Variants in SLC25A24 observed in about 807,000 individuals in gnomAD.
SLC25A24 encodes the protein solute carrier family 25 member 24.
In SLC25A24, 49 loss-of-function variants were observed where a neutral mutation model predicts 60.7. That is an observed-to-expected ratio of 0.81 (90% confidence interval 0.64 to 1.02). The LOEUF (loss-of-function observed/expected upper bound fraction) is 1.02. SLC25A24 is among the 50% of genes least tolerant of loss of function. The pLI is 0.00. For synonymous variants in SLC25A24, 202 were observed against 200.6 expected, an observed-to-expected ratio of 1.01 and a Z score of -0.06; for missense variants, 564 against 586.3, an observed-to-expected ratio of 0.96 and a Z score of 0.39.
In SLC25A24 at chr1:108,187,927, G is replaced by GATATATATAT. The variant is rs57513025; in HGVS notation, c.184-1983_184-1974dup. ...TACACGAAATGGATAAGACATTATA[G>GATATATATAT]ATATATATATATATATATTCATGCA... On this transcript the variant is annotated intron_variant, in intron 1 of 9. Coordinates refer to ENST00000565488, the MANE Select transcript of SLC25A24 (RefSeq NM_013386.5). 1.8e-3 allele frequency among the ~76,000 whole-genome samples: 175 copies of GATATATATAT among 95,774 alleles called. 9 individuals carry two copies. Among genetic ancestry groups the GATATATATAT allele is most frequent in the East Asian group, 9.1e-3 (25 of 2,738 alleles). The allele number at this position is 95,774 out of a possible 152,430, so 62.8% of individuals were successfully genotyped here. A position where few individuals can be genotyped will look rare whatever the true frequency, so the allele number is the denominator to read the frequency against.
chr1:108,199,685 A>C (rs1042276829), intron 1 of SLC25A24: 2 of 535,874 alleles, frequency 3.7e-6, no homozygotes, highest in Non-Finnish European at 6.5e-6. Context: ...GTGTCTTAAA[A>C]ATTTAACAGT....
intron 7 of SLC25A24, among the ~76,000 whole-genome samples, chr1:108,146,548 G>T (rs775085112): frequency 2.0e-5 from 3 of 152,150 alleles, no homozygotes; most frequent in African/African-American, 7.2e-5. Flanking sequence ...TATTGGCTGT[G>T]GGTTTGTCAT....
At chr1:108,182,151 T>C in intron 2 of SLC25A24, 123 bp from the exon 3 acceptor site, 1 of 624,428 alleles carries the variant, frequency 1.6e-6, no homozygotes, top group Non-Finnish European at 2.9e-6. Flanking sequence ...ATTGTGCATG[T>C]AGGTGAGTTA....
At position 108,190,906 on chromosome 1, in the gene SLC25A24, T is replaced by C. The variant is rs745729761; in HGVS notation, c.184-4952A>G. On this transcript the variant is annotated intron_variant, in intron 1 of 9. Transcript: ENST00000565488. ...GACACCCCTCCCTTGGGTTTTGACATGTGAACCCTCCTCAGTCACCACTAG... is the reference window on the plus strand; with the variant it reads ...GACACCCCTCCCTTGGGTTTTGACACGTGAACCCTCCTCAGTCACCACTAG... Among the ~76,000 whole-genome samples the C allele has an allele frequency of 3.0e-4, 42 of 138,872 alleles. 6 individuals carry two copies. The highest frequency in any genetic ancestry group is 5.5e-4 in the Non-Finnish European group (35 of 63,528). 91.1% of individuals were successfully genotyped at this position (138,872 alleles called of 152,430 possible). A position where few individuals can be genotyped will look rare whatever the true frequency, so the allele number is the denominator to read the frequency against.
chr1:108,160,621 C>T (rs529605699), intron 4 of SLC25A24, among the ~76,000 whole-genome samples: 8 of 152,154 alleles, frequency 5.3e-5, no homozygotes, highest in Non-Finnish European at 7.4e-5. Context: ...GAGGTTGTAG[C>T]GAGCCGAGAT....
intron 1 of SLC25A24, 27 bp from the exon 2 acceptor site, chr1:108,185,981 A>G (rs370928673): frequency 6.6e-7 from 1 of 1,522,082 alleles, no homozygotes; most frequent in African/African-American, 1.4e-5. Flanking sequence ...GAGAGAAGTT[A>G]TTGCCAATAT....
intron 1 of SLC25A24, among the ~76,000 whole-genome samples, chr1:108,188,695 G>A (rs1327046583): frequency 6.6e-6 from 1 of 152,210 alleles, no homozygotes. Flanking sequence ...CCCACAAGAA[G>A]ACAGGAGTCC....
At chr1:108,167,418 G>A (rs1647226916) in intron 3 of SLC25A24, among the ~76,000 whole-genome samples, 1 of 152,192 alleles carries the variant, frequency 6.6e-6, no homozygotes, top group Admixed American at 6.5e-5. Context: ...TTTGATCTCA[G>A]ACTGCTGTGC....
chr1:108,157,453 A>G lies in SLC25A24; in HGVS notation c.669+9T>C, dbSNP rs778160879. 26 of 1,611,192 alleles carry G rather than the reference A, an allele frequency of 1.6e-5. No individual in the cohort carries two copies. In the Admixed American group the frequency reaches 4.0e-4, roughly 25 times the overall value. Reference sequence around the variant, plus strand: ...AGGGCAAACCTGGACACACGATAATAAAGCTCACCTGCATCATGATTTTCA... The same window carrying G: ...AGGGCAAACCTGGACACACGATAATGAAGCTCACCTGCATCATGATTTTCA... On this transcript the variant is annotated intron_variant, in intron 5 of 9. Coordinates refer to ENST00000565488, the MANE Select transcript of SLC25A24 (RefSeq NM_013386.5).
intron 3 of SLC25A24, among the ~76,000 whole-genome samples, chr1:108,175,431 A>C (rs1647639584): frequency 6.6e-6 from 1 of 152,208 alleles, no homozygotes; most frequent in African/African-American, 2.4e-5. Flanking sequence ...TAAGTCAATT[A>C]AACCTCTTTC....
chr1:108,173,165 G>A (rs1055336015), intron 3 of SLC25A24, among the ~76,000 whole-genome samples: 2 of 152,050 alleles, frequency 1.3e-5, no homozygotes, highest in African/African-American at 2.4e-5. Flanking sequence ...CCAGGATTTC[G>A]ATACCAGCCT....
intron 8 of SLC25A24, among the ~76,000 whole-genome samples, chr1:108,140,663 T>C (rs989229394): frequency 4.0e-5 from 6 of 151,666 alleles, no homozygotes; most frequent in African/African-American, 7.3e-5. Flanking sequence ...TGTAAAGAAA[T>C]AGAGTTTTAT....
intron 3 of SLC25A24, among the ~76,000 whole-genome samples, chr1:108,166,740 T>A (rs1019603600): frequency 6.6e-6 from 1 of 152,206 alleles, no homozygotes; most frequent in African/African-American, 2.4e-5. Flanking sequence ...TTGGTTTGAA[T>A]GTCCTCCCAT....
At chr1:108,166,352 T>C (rs964121486) in intron 3 of SLC25A24, among the ~76,000 whole-genome samples, 6 of 151,712 alleles carry the variant, frequency 4.0e-5, no homozygotes, top group East Asian at 1.9e-4. Flanking sequence ...CCTTGCTAGA[T>C]TGGGGAAGTT....
At position 108,200,198 on chromosome 1, in the gene SLC25A24, C is replaced by G. The variant is rs1248731985; in HGVS notation, c.-60G>C. Reference sequence around the variant, plus strand: ...TCACGGGAGATCGAGGGCTGCGGGGCGAGACCGGGACCAGCGCGAGGCCGG... The same window carrying G: ...TCACGGGAGATCGAGGGCTGCGGGGGGAGACCGGGACCAGCGCGAGGCCGG... On this transcript the variant is annotated 5_prime_UTR_variant, in exon 1 of 10. Transcript: ENST00000565488. 2 of 1,461,054 alleles carry G rather than the reference C, an allele frequency of 1.4e-6. No homozygotes were observed. Among genetic ancestry groups the G allele is most frequent in the Non-Finnish European group, 1.8e-6 (2 of 1,104,008 alleles). The allele number at this position is 1,461,054 out of a possible 1,614,324, so 90.5% of individuals were successfully genotyped here.
rs770380638 is a variant in SLC25A24 at position 108,155,124 on chromosome 1, T to G, written c.681A>C (p.Ser227=). The G allele has an allele frequency of 6.2e-7, 1 of 1,607,008 alleles. No individual in the cohort carries two copies. Among genetic ancestry groups the G allele is most frequent in the Non-Finnish European group, 8.5e-7 (1 of 1,176,994 alleles). The part of the protein sequence containing the change: ...RLKIMMQVHG[S]KSDKMNIFGG... ...CAAATATGTTCATTTTGTCTGATTT[T>G]GAACCGTGAACCTAAAAATAAAAGC... is the stretch of plus-strand genomic sequence containing the variant. Residue 227 remains serine, a synonymous_variant, in exon 6 of 10, where the codon TCA becomes TCC. Coordinates refer to ENST00000565488, the MANE Select transcript of SLC25A24 (RefSeq NM_013386.5).
intron 2 of SLC25A24, among the ~76,000 whole-genome samples, chr1:108,182,972 G>A (rs1331951730): frequency 6.6e-6 from 1 of 152,084 alleles, no homozygotes; most frequent in East Asian, 1.9e-4. Flanking sequence ...CAGAAGACAG[G>A]AAGAGAAAAT....
intron 4 of SLC25A24, among the ~76,000 whole-genome samples, chr1:108,159,667 C>T (rs929078924): frequency 2.6e-5 from 4 of 151,774 alleles, no homozygotes; most frequent in African/African-American, 9.7e-5. Context: ...GGTGATGACT[C>T]TTAACGAGCC....
intron 7 of SLC25A24, among the ~76,000 whole-genome samples, 165 bp from the exon 8 acceptor site, chr1:108,143,875 G>C (rs1013705812): frequency 6.6e-6 from 1 of 152,144 alleles, no homozygotes; most frequent in African/African-American, 2.4e-5. Flanking sequence ...CTATTGGGGG[G>C]CTAAGACCAA....
Sources: allele counts gnomAD v4.1 joint callset (sites outside exome capture counted in the v4.1 genomes callset), GRCh38; gene constraint gnomAD v4.1.1; transcripts MANE v1.5; gene names NCBI Gene and HGNC (gene_info 2026-07-23, HGNC 2026-07-21).